NLGN1: variants seen among roughly 807,000 people sequenced by gnomAD.
NLGN1 encodes the protein neuroligin-1.
A neutral mutation model predicts 65.5 loss-of-function variants in NLGN1; 12 were observed. That is an observed-to-expected ratio of 0.18 (90% CI 0.12 to 0.30). The LOEUF (loss-of-function observed/expected upper bound fraction) is 0.30, where lower values mean the gene tolerates loss of function less well. Among genes scored for constraint, NLGN1 ranks in the 10% least tolerant of loss-of-function variants. The pLI, the probability that NLGN1 is intolerant of heterozygous loss-of-function variation, is 1.00. For missense variants in NLGN1, 750 were observed against 1,007.1 expected (o/e 0.74, Z 3.46); for synonymous variants, 350 against 359.5 (o/e 0.97, Z 0.30).
chr3:173,873,877 AC>A (rs2150885165), intron 4 of NLGN1, among the ~76,000 whole-genome samples: 1 of 152,274 alleles, frequency 6.6e-6, no homozygotes, highest in South Asian at 2.1e-4. Flanking sequence ...TAGAGACAGG[AC>A]CTCTAAAGAT....
intron 2 of NLGN1, among the ~76,000 whole-genome samples, chr3:173,565,956 A>G (rs1170804769): frequency 6.6e-6 from 1 of 152,196 alleles, no homozygotes; most frequent in East Asian, 1.9e-4. Context: ...TTTTCCATTA[A>G]TTGTAAATAG....
intron 2 of NLGN1, chr3:173,584,789 G>C (rs1009520875): frequency 2.0e-5 from 3 of 150,942 alleles, no homozygotes; most frequent in Admixed American, 2.0e-4. Context: ...AAAAAAGGAG[G>C]GGGGGGTGCA....
At chr3:173,844,627 TCTC>T (rs557914495) in intron 4 of NLGN1, among the ~76,000 whole-genome samples, 119 of 152,316 alleles carry the variant, frequency 7.8e-4, no homozygotes, top group Non-Finnish European at 1.5e-3. Context: ...TCTGGTTTCA[TCTC>T]CTCTGCATTT....
At chr3:173,476,681 A>G (rs1173199641) in intron 2 of NLGN1, among the ~76,000 whole-genome samples, 1 of 152,186 alleles carries the variant, frequency 6.6e-6, no homozygotes, top group Non-Finnish European at 1.5e-5. Context: ...CTTAAAGTGA[A>G]GTGGCAAGGT....
At chr3:173,807,929 A>AT (rs1206220267) in intron 4 of NLGN1, 97 bp downstream of exon 4, 15 of 1,269,032 alleles carry the variant, frequency 1.2e-5, no homozygotes, top group African/African-American at 6.0e-5. Flanking sequence ...TGTTTCACCC[A>AT]TTTTTTTATG....
chr3:173,784,133 A>C (rs1781600998), intron 3 of NLGN1, among the ~76,000 whole-genome samples: 4 of 152,166 alleles, frequency 2.6e-5, no homozygotes, highest in Admixed American at 2.6e-4. Flanking sequence ...TACATCTATA[A>C]TTTTCACACC....
At chr3:173,679,254 A>T (rs1763601467) in intron 3 of NLGN1, among the ~76,000 whole-genome samples, 1 of 152,076 alleles carries the variant, frequency 6.6e-6, no homozygotes, top group Non-Finnish European at 1.5e-5. Flanking sequence ...AGGGCTAGTA[A>T]AAAATGAAAA....
At chr3:173,417,959 AC>A (rs1490038876) in intron 1 of NLGN1, among the ~76,000 whole-genome samples, 3 of 151,770 alleles carry the variant, frequency 2.0e-5, no homozygotes, top group East Asian at 1.9e-4. Flanking sequence ...GAGAAAAAAA[AC>A]AATTGAGCAG....
chr3:174,272,988 C>G (rs1749760625), intron 4 of NLGN1, among the ~76,000 whole-genome samples: 1 of 149,572 alleles, frequency 6.7e-6, no homozygotes, highest in Non-Finnish European at 1.5e-5. Flanking sequence ...GTAGAAGTTA[C>G]TTTTCAGAGG....
chr3:173,560,042 C>T (rs1365970307), intron 2 of NLGN1, among the ~76,000 whole-genome samples: 1 of 149,942 alleles, frequency 6.7e-6, no homozygotes, highest in Non-Finnish European at 1.5e-5. Flanking sequence ...CTTCCGGGTT[C>T]ACGCCATTCT....
intron 4 of NLGN1, among the ~76,000 whole-genome samples, chr3:173,913,442 G>A (rs896653327): frequency 6.6e-6 from 1 of 152,160 alleles, no homozygotes. Context: ...AAGAGCCAAA[G>A]GATTTTCTAG....
At chr3:173,917,362 T>C (rs1236267581) in intron 4 of NLGN1, among the ~76,000 whole-genome samples, 2 of 152,190 alleles carry the variant, frequency 1.3e-5, no homozygotes, top group Non-Finnish European at 2.9e-5. Flanking sequence ...TTGTAAGTCT[T>C]AGTTACTTCT....
intron 2 of NLGN1, among the ~76,000 whole-genome samples, chr3:173,445,191 C>G (rs1360404443): frequency 1.4e-5 from 2 of 145,638 alleles, no homozygotes; most frequent in Non-Finnish European, 3.0e-5. Context: ...TGGCGTGAAC[C>G]CGGGAGGCGG....
At chr3:173,749,974 C>G (rs1332389361) in intron 3 of NLGN1, among the ~76,000 whole-genome samples, 2 of 152,088 alleles carry the variant, frequency 1.3e-5, no homozygotes, top group Non-Finnish European at 2.9e-5. Flanking sequence ...AGTTCCCAAA[C>G]TAAGTAAAAG....
At chr3:173,490,790 T>A (rs1410221629) in intron 2 of NLGN1, among the ~76,000 whole-genome samples, 1 of 152,162 alleles carries the variant, frequency 6.6e-6, no homozygotes, top group East Asian at 1.9e-4. Context: ...TTTGTAGTTC[T>A]CCTTGAAGAG....
chr3:174,107,601 T>C (rs1714229390), intron 4 of NLGN1, among the ~76,000 whole-genome samples: 1 of 152,206 alleles, frequency 6.6e-6, no homozygotes, highest in South Asian at 2.1e-4. Context: ...AACATTCATT[T>C]ACACATTTTG....
intron 4 of NLGN1, among the ~76,000 whole-genome samples, chr3:174,057,029 A>G (rs1736282443): frequency 1.3e-5 from 2 of 151,660 alleles, no homozygotes; most frequent in South Asian, 4.2e-4. Context: ...ATCCTTCTGT[A>G]ATTTCATGAC....
In NLGN1 at chr3:173,726,547, C is replaced by T. The variant is rs192300925; in HGVS notation, c.494-81133C>T. Among the ~76,000 whole-genome samples the T allele has an allele frequency of 2.2e-4, 33 of 152,058 alleles. No homozygotes were observed. In the East Asian group the frequency reaches 6.4e-3, roughly 30 times the overall value. On this transcript the variant is annotated intron_variant, in intron 3 of 6. Transcript: ENST00000457714. The stretch of plus-strand genomic sequence containing the variant: ...CCTTTATTATTATTATGCTCTGGTT[C>T]TCCAACTTTTCACCAGCTGTCTAGA...
At chr3:173,926,321 C>T (rs1742996750) in intron 4 of NLGN1, among the ~76,000 whole-genome samples, 1 of 152,084 alleles carries the variant, frequency 6.6e-6, no homozygotes, top group Non-Finnish European at 1.5e-5. Context: ...ACTATGAAAT[C>T]TCAAAAACGT....
Sources: allele counts gnomAD v4.1 joint callset (sites outside exome capture counted in the v4.1 genomes callset), GRCh38; gene constraint gnomAD v4.1.1; transcripts MANE v1.5; gene names NCBI Gene and HGNC (gene_info 2026-07-23, HGNC 2026-07-21).